KMT2E: variants seen among roughly 807,000 people sequenced by gnomAD.
The protein encoded by KMT2E is lysine methyltransferase 2E (inactive), also known as histone reader KMT2E.
In KMT2E, 30 loss-of-function variants were observed where a neutral mutation model predicts 184.6. The ratio of observed to expected loss-of-function variants is 0.16; its 90% CI spans 0.12 to 0.22. The LOEUF (loss-of-function observed/expected upper bound fraction) is 0.22. KMT2E is among the 10% of genes least tolerant of loss of function. KMT2E has a pLI of 1.00. For synonymous variants in KMT2E, 815 were observed against 776.5 expected, an observed-to-expected ratio of 1.05 and a Z score of -0.82; for missense variants, 2,023 against 2,237.4, an observed-to-expected ratio of 0.90 and a Z score of 1.93.
In KMT2E at chr7:105,090,153, A is replaced by G; in HGVS notation, c.1503A>G (p.Glu501=). 1.2e-6 allele frequency: 2 copies of G among 1,613,394 alleles called. No individual in the cohort carries two copies. Among genetic ancestry groups the G allele is most frequent in the Middle Eastern group, 1.7e-4 (1 of 6,056 alleles). ...KGKKDKDISK[E]KDTQNQNITL... Reference sequence around the variant, plus strand: ...AAAAAGACAAAGATATTTCAAAAGAAAAAGATACACAAAATCAGAATATTA... The same window carrying G: ...AAAAAGACAAAGATATTTCAAAAGAGAAAGATACACAAAATCAGAATATTA... Residue 501 remains glutamate (E), a synonymous_variant, in exon 14 of 27, where the codon GAA becomes GAG. Coordinates refer to ENST00000311117, the MANE Select transcript of KMT2E (RefSeq NM_182931.3).
intron 4 of KMT2E, among the ~76,000 whole-genome samples, chr7:105,062,686 A>C (rs1333156082): frequency 6.6e-6 from 1 of 151,896 alleles, no homozygotes; most frequent in African/African-American, 2.4e-5. Flanking sequence ...TGTGTCAGAC[A>C]TATATTATTT....
chr7:105,026,161 T>C (rs1795169722), intron 1 of KMT2E, among the ~76,000 whole-genome samples: 1 of 152,160 alleles, frequency 6.6e-6, no homozygotes. Context: ...TAGTCTCCTG[T>C]ATATATGTAA....
At chr7:105,073,704 TA>T (rs896282523) in intron 7 of KMT2E, 27 bp downstream of exon 7, 4 of 1,430,354 alleles carry the variant, frequency 2.8e-6, no homozygotes, top group African/African-American at 2.8e-5. Flanking sequence ...TACACTAAAT[TA>T]AAATTCGTGT....
At chr7:105,074,533 G>GAACAAGTTAAAAATCAAATTAT in intron 7 of KMT2E, 110 bp from the exon 8 acceptor site, 1 of 727,530 alleles carries the variant, frequency 1.4e-6, no homozygotes, top group Non-Finnish European at 2.1e-6. Flanking sequence ...TAAAAAATGT[G>GAACAAGTTAAAAATCAAATTAT]CTTATTTAGA....
At chr7:105,027,146 A>G (rs1795208838) in intron 1 of KMT2E, among the ~76,000 whole-genome samples, 1 of 130,456 alleles carries the variant, frequency 7.7e-6, no homozygotes, top group African/African-American at 3.0e-5. Context: ...CAGTGGCATG[A>G]TTATGGCTCG....
chr7:105,043,045 G>C (rs1432571507), intron 3 of KMT2E, among the ~76,000 whole-genome samples: 2 of 152,146 alleles, frequency 1.3e-5, no homozygotes, highest in Non-Finnish European at 2.9e-5. Flanking sequence ...TGCAGTTTGA[G>C]AGTTTATACA....
Position 105,040,874 on chromosome 7 carries a change from C to A in KMT2E, c.-79C>A. The stretch of plus-strand genomic sequence containing the variant: ...TGCACTTAGATGTTTGCAATGAGCA[C>A]TGTGGCTGGCATGCCCCAGTGTTTT... On this transcript the variant is annotated 5_prime_UTR_variant, in exon 3 of 27. In the 5' UTR this introduces an upstream ATG that the reference lacks. Transcript: ENST00000311117. 1 of 1,013,200 alleles carries A rather than the reference C, an allele frequency of 9.9e-7. No homozygotes were observed. Among genetic ancestry groups the A allele is most frequent in the South Asian group, 1.4e-5 (1 of 71,144 alleles). 62.8% of individuals were successfully genotyped at this position (1,013,200 alleles called of 1,614,324 possible).
intron 3 of KMT2E, among the ~76,000 whole-genome samples, chr7:105,050,389 G>T (rs1796278757): frequency 6.6e-6 from 1 of 152,138 alleles, no homozygotes; most frequent in South Asian, 2.1e-4. Flanking sequence ...AAATGTCTAA[G>T]ACTCAACTGC....
At chr7:105,065,248 T>A (rs967204383) in intron 5 of KMT2E, among the ~76,000 whole-genome samples, 1 of 152,242 alleles carries the variant, frequency 6.6e-6, no homozygotes, top group Non-Finnish European at 1.5e-5. Context: ...TCCACAGCTC[T>A]GATTATTTAT....
chr7:105,023,996 A>G (rs898996647), intron 1 of KMT2E, among the ~76,000 whole-genome samples: 3 of 152,144 alleles, frequency 2.0e-5, no homozygotes, highest in African/African-American at 4.8e-5. Context: ...GAAACAGAAA[A>G]ACACTTAGAC....
intron 15 of KMT2E, among the ~76,000 whole-genome samples, chr7:105,092,624 C>A (rs1285337425): frequency 6.6e-6 from 1 of 152,134 alleles, no homozygotes; most frequent in Non-Finnish European, 1.5e-5. Context: ...AGGAAGAATT[C>A]TTGTACCTAA....
chr7:105,106,881 A>C, intron 20 of KMT2E, 109 bp downstream of exon 20: 1 of 1,120,168 alleles, frequency 8.9e-7, no homozygotes, highest in Admixed American at 2.4e-5. Context: ...ATACAAAAAA[A>C]AGGTTGTAAG....
chr7:105,105,189 A>G (rs1798846484), intron 17 of KMT2E: 2 of 323,120 alleles, frequency 6.2e-6, no homozygotes, highest in Non-Finnish European at 5.5e-6. Flanking sequence ...TACAAATTTC[A>G]TGTAATATAA....
rs781228709 is a variant in KMT2E, at chr7:105,040,949, C to T, written c.-4C>T. 9 of 1,607,740 alleles carry T rather than the reference C, an allele frequency of 5.6e-6. No homozygotes were observed. Among genetic ancestry groups the T allele is most frequent in the Admixed American group, 5.1e-5 (3 of 58,836 alleles). On this transcript the variant is annotated 5_prime_UTR_variant, in exon 3 of 27. In the 5' UTR this introduces an upstream ATG that the reference lacks. Transcript: ENST00000311117. Reference sequence around the variant, plus strand: ...AGTAATCGAATTTACCAGAGGCGAACGTCATGAGCATAGTGATCCCATTGG... The same window carrying T: ...AGTAATCGAATTTACCAGAGGCGAATGTCATGAGCATAGTGATCCCATTGG...
chr7:105,106,840 T>G, intron 20 of KMT2E, 68 bp downstream of exon 20: 101 of 1,398,424 alleles, frequency 7.2e-5, no homozygotes, highest in Non-Finnish European at 9.2e-5. Context: ...TAAGAGCTCT[T>G]TCCCCTCCTT....
At chr7:105,101,813 GAAT>G (rs1438851328) in intron 16 of KMT2E, 70 bp from the exon 17 acceptor site, 5 of 1,234,418 alleles carry the variant, frequency 4.1e-6, no homozygotes, top group Non-Finnish European at 5.5e-6. Context: ...TTCTGAAGTA[GAAT>G]AATGCTATTA....
intron 1 of KMT2E, among the ~76,000 whole-genome samples, chr7:105,020,167 A>G (rs1794891357): frequency 6.6e-6 from 1 of 151,946 alleles, no homozygotes; most frequent in Admixed American, 6.6e-5. Flanking sequence ...CCTGAATTTT[A>G]ATATTGAGAA....
At chr7:105,026,275 ACT>A (rs1055738164) in intron 1 of KMT2E, among the ~76,000 whole-genome samples, 1 of 152,194 alleles carries the variant, frequency 6.6e-6, no homozygotes, top group East Asian at 1.9e-4. Flanking sequence ...TCAGGATCTG[ACT>A]CTGGTTTATC....
At position 105,112,404 on chromosome 7, in the gene KMT2E, C is replaced by T. The variant is rs1799343246; in HGVS notation, c.4648C>T (p.Pro1550Ser). The change falls in exon 27 of 27, where the codon CCA becomes TCA. Residue 1550 changes from proline (P) to serine (S), a missense_variant. Pro to Ser is a moderately conservative substitution (Grantham distance 74, BLOSUM62 -1). Coordinates refer to ENST00000311117, the MANE Select transcript of KMT2E (RefSeq NM_182931.3). ...CACGGCACCACCCCCTCCACCTCCT[C>T]CACCTCCTTCTTCGTCTTACTATCA... Reference protein sequence around the residue: ...NSTAPPPPPPPPPSSSYYQNQ... With the variant: ...NSTAPPPPPPSPPSSSYYQNQ... 1.9e-6 allele frequency: 3 copies of T among 1,613,040 alleles called. No individual in the cohort carries two copies. The highest frequency in any genetic ancestry group is 1.1e-5 in the South Asian group (1 of 91,060).
Sources: gnomAD v4.1 joint callset for allele counts (sites outside exome capture counted in the v4.1 genomes callset) on GRCh38, gnomAD v4.1.1 for gene constraint, MANE v1.5 for transcripts, NCBI Gene and HGNC (gene_info 2026-07-23, HGNC 2026-07-21) for gene names.